Variants in GPHN observed in about 807,000 individuals in gnomAD.
The protein encoded by GPHN is gephyrin.
A neutral mutation model predicts 95.5 loss-of-function variants in GPHN; 17 were observed. The observed-to-expected ratio is 0.18, with a 90% CI of 0.12 to 0.27. GPHN has a LOEUF of 0.27. Ranked by LOEUF, GPHN falls within the 10% of genes least tolerant of loss-of-function variation. The probability of loss-of-function intolerance (pLI) is 1.00; values close to 1 mark genes in which losing one functional copy is unlikely to be tolerated. For missense variants in GPHN, 660 were observed against 978.1 expected (o/e 0.67, Z 4.34); for synonymous variants, 320 against 322.5 (o/e 0.99, Z 0.08).
chr14:66,765,349 A>G (rs1311055380), intron 2 of GPHN, among the ~76,000 whole-genome samples: 1 of 152,258 alleles, frequency 6.6e-6, no homozygotes, highest in African/African-American at 2.4e-5. Flanking sequence ...CTTCTGCCAT[A>G]AACACACATG....
the GPHN span, among the ~76,000 whole-genome samples, chr14:67,300,479 C>T: frequency 6.6e-6 from 1 of 152,138 alleles, no homozygotes; most frequent in Non-Finnish European, 1.5e-5. Flanking sequence ...AGGCACACGC[C>T]ACCACGCCTG....
chr14:66,721,463 A>G (rs1414288473), intron 2 of GPHN, among the ~76,000 whole-genome samples: 1 of 152,176 alleles, frequency 6.6e-6, no homozygotes, highest in Non-Finnish European at 1.5e-5. Context: ...TTAATAACAT[A>G]TATCTATATA....
At chr14:67,001,106 G>A (rs1426680026) in intron 9 of GPHN, among the ~76,000 whole-genome samples, 1 of 151,446 alleles carries the variant, frequency 6.6e-6, no homozygotes, top group Non-Finnish European at 1.5e-5. Context: ...AAGTTCTTAA[G>A]CTCCCTTAAA....
the GPHN span, among the ~76,000 whole-genome samples, chr14:67,267,266 A>G: frequency 6.6e-6 from 1 of 152,182 alleles, no homozygotes; most frequent in East Asian, 1.9e-4. Context: ...TTATTTATTT[A>G]TTTTTTAATG....
chr14:67,054,322 G>A (rs767753884), intron 10 of GPHN, among the ~76,000 whole-genome samples: 3 of 152,298 alleles, frequency 2.0e-5, no homozygotes, highest in Admixed American at 6.5e-5. Flanking sequence ...CAAGCAGGAA[G>A]CCAAATCATG....
the GPHN span, among the ~76,000 whole-genome samples, chr14:67,474,267 A>AAAC: frequency 0.12 from 15,636 of 131,302 alleles, 904 homozygotes; most frequent in African/African-American, 0.16. Flanking sequence ...AAACAAAACA[A>AAAC]AAAAAAAACA....
the GPHN span, among the ~76,000 whole-genome samples, chr14:67,485,595 T>TA: frequency 6.6e-6 from 1 of 152,216 alleles, no homozygotes; most frequent in Non-Finnish European, 1.5e-5. Flanking sequence ...TGCCATGCCT[T>TA]CTGGGGAGCT....
intron 9 of GPHN, among the ~76,000 whole-genome samples, chr14:67,012,451 C>A (rs1201614948): frequency 6.6e-6 from 1 of 152,096 alleles, no homozygotes; most frequent in African/African-American, 2.4e-5. Context: ...AGTCTGAACA[C>A]CCGTGTGTCT....
At chr14:67,570,354 T>C in the GPHN span, 64 of 962,288 alleles carry the variant, frequency 6.7e-5, no homozygotes, top group Non-Finnish European at 7.9e-5. Context: ...TTCCAACTTA[T>C]ATTCCCGTAA....
chr14:66,686,885 G>T (rs916211230), intron 2 of GPHN, among the ~76,000 whole-genome samples: 8 of 152,052 alleles, frequency 5.3e-5, no homozygotes, highest in Non-Finnish European at 1.0e-4. Flanking sequence ...TTGGCTGTGG[G>T]TTTGTCATAA....
intron 2 of GPHN, among the ~76,000 whole-genome samples, chr14:66,719,265 A>G (rs867729973): frequency 6.6e-6 from 1 of 152,188 alleles, no homozygotes; most frequent in African/African-American, 2.4e-5. Context: ...GTAATGCCAG[A>G]CAGGAATGGC....
At chr14:67,132,734 GA>G (rs2079798813) in intron 17 of GPHN, among the ~76,000 whole-genome samples, 1 of 151,868 alleles carries the variant, frequency 6.6e-6, no homozygotes, top group Non-Finnish European at 1.5e-5. Flanking sequence ...TGTAGCTTTA[GA>G]CATTGTTTTC....
intron 1 of GPHN, among the ~76,000 whole-genome samples, chr14:66,589,842 C>G (rs1308729652): frequency 6.6e-6 from 1 of 152,170 alleles, no homozygotes; most frequent in Admixed American, 6.5e-5. Context: ...TAATAGACAT[C>G]TACAGAACTC....
At chr14:66,947,869 T>C (rs574866331) in intron 8 of GPHN, among the ~76,000 whole-genome samples, 67 of 152,248 alleles carry the variant, frequency 4.4e-4, no homozygotes, top group African/African-American at 1.6e-3. Context: ...GTGGGAGAAT[T>C]GTGTGAGCCC....
intron 2 of GPHN, among the ~76,000 whole-genome samples, chr14:66,717,738 G>T (rs1424705164): frequency 6.6e-6 from 1 of 152,142 alleles, no homozygotes; most frequent in African/African-American, 2.4e-5. Flanking sequence ...AATGGCTGTG[G>T]CTTCCTGAGA....
chr14:67,177,439 G>A (rs1406091079), intron 21 of GPHN, among the ~76,000 whole-genome samples: 1 of 152,168 alleles, frequency 6.6e-6, no homozygotes, highest in African/African-American at 2.4e-5. Context: ...TGTGATCTGA[G>A]AGACAGTTTG....
rs143581316 is a variant in GPHN at position 66,721,823 on chromosome 14, C to T, written c.143+40638C>T. The stretch of plus-strand genomic sequence containing the variant: ...AAAATTAGCTGGGCATGTTAGTGCC[C>T]GCCTGTAATCCCAGCTACTCGGGAG... On this transcript the variant is annotated intron_variant, in intron 2 of 22. Transcript: ENST00000478722. Among the ~76,000 whole-genome samples the T allele has an allele frequency of 3.2e-4, 49 of 151,632 alleles. No individual in the cohort carries two copies. In the East Asian group the frequency reaches 7.6e-3, roughly 23 times the overall value.
the GPHN span, chr14:67,646,891 A>G: frequency 5.3e-6 from 8 of 1,495,742 alleles, no homozygotes; most frequent in Middle Eastern, 1.7e-4. Context: ...TCTTTAAACT[A>G]AGGACTCCTC....
intron 2 of GPHN, chr14:66,760,745 G>A (rs2058725952): frequency 4.4e-6 from 2 of 457,070 alleles, no homozygotes; most frequent in African/African-American, 2.0e-5. Flanking sequence ...ATTTGAATTT[G>A]AAAAACATAG....
Sources: gnomAD v4.1 joint callset for allele counts (sites outside exome capture counted in the v4.1 genomes callset) on GRCh38, gnomAD v4.1.1 for gene constraint, MANE v1.5 for transcripts, NCBI Gene and HGNC (gene_info 2026-07-23, HGNC 2026-07-21) for gene names.